Variants in THSD7B observed in about 807,000 individuals in gnomAD.
THSD7B encodes thrombospondin type-1 domain-containing protein 7B.
THSD7B carries 138 observed loss-of-function variants against 213.6 expected under a neutral mutation model. The ratio of observed to expected loss-of-function variants is 0.65; its 90% CI spans 0.56 to 0.74. The LOEUF (loss-of-function observed/expected upper bound fraction) is 0.74. Among genes scored for constraint, THSD7B ranks in the 30% least tolerant of loss-of-function variants. The probability of loss-of-function intolerance (pLI) is 0.00; values close to 1 mark genes in which losing one functional copy is unlikely to be tolerated. For synonymous variants in THSD7B, 742 were observed against 687.0 expected (o/e 1.08, Z -1.25); for missense variants, 1,931 against 1,991.5 (o/e 0.97, Z 0.58).
At chr2:137,047,827 G>T (rs13026531) in intron 2 of THSD7B, among the ~76,000 whole-genome samples, 30,810 of 152,130 alleles carry the variant, frequency 0.2, 3,328 homozygotes, top group African/African-American at 0.28. Context: ...AGGAGTACAT[G>T]GTGAGAAAGG....
At chr2:137,630,072 C>T (rs1342421087) in intron 20 of THSD7B, among the ~76,000 whole-genome samples, 2 of 152,020 alleles carry the variant, frequency 1.3e-5, no homozygotes, top group Non-Finnish European at 2.9e-5. Flanking sequence ...TGGCTCACTG[C>T]ACCCTCTGCC....
intron 4 of THSD7B, among the ~76,000 whole-genome samples, chr2:137,099,410 A>G (rs1316337745): frequency 6.6e-6 from 1 of 152,216 alleles, no homozygotes; most frequent in Non-Finnish European, 1.5e-5. Context: ...AAAGACAAAG[A>G]ACGTAGAGCT....
chr2:136,867,052 C>T (rs772901645), intron 1 of THSD7B, among the ~76,000 whole-genome samples: 3 of 152,096 alleles, frequency 2.0e-5, no homozygotes, highest in Non-Finnish European at 2.9e-5. Flanking sequence ...CATCTACTGT[C>T]ACCCAGTGGG....
At chr2:137,330,973 A>G (rs1684490522) in intron 12 of THSD7B, among the ~76,000 whole-genome samples, 1 of 152,180 alleles carries the variant, frequency 6.6e-6, no homozygotes. Flanking sequence ...TTAGTTAGAT[A>G]CAGAGTATGG....
intron 1 of THSD7B, among the ~76,000 whole-genome samples, chr2:136,797,013 A>ACACACACACAC (rs1296588245): frequency 9.8e-6 from 1 of 102,442 alleles, no homozygotes; most frequent in Non-Finnish European, 2.3e-5. Flanking sequence ...CACACACACA[A>ACACACACACAC]CCTAAAAAAA....
intron 1 of THSD7B, among the ~76,000 whole-genome samples, chr2:136,847,164 A>G (rs1683024837): frequency 6.6e-6 from 1 of 152,162 alleles, no homozygotes; most frequent in Non-Finnish European, 1.5e-5. Flanking sequence ...GAAGCCTTCT[A>G]CCCCACTTAG....
chr2:136,814,379 T>C (rs1290778347), intron 1 of THSD7B, among the ~76,000 whole-genome samples: 1 of 151,686 alleles, frequency 6.6e-6, no homozygotes, highest in Non-Finnish European at 1.5e-5. Context: ...GTAAGATTTG[T>C]TTTTTTTCTT....
intron 15 of THSD7B, among the ~76,000 whole-genome samples, chr2:137,509,976 AT>A (rs1263165491): frequency 6.6e-6 from 1 of 151,934 alleles, no homozygotes; most frequent in African/African-American, 2.4e-5. Flanking sequence ...TGGTTTTAAC[AT>A]TTTTTTCTCC....
At chr2:137,272,969 G>A (rs1416285132) in intron 11 of THSD7B, among the ~76,000 whole-genome samples, 2 of 149,688 alleles carry the variant, frequency 1.3e-5, no homozygotes, top group African/African-American at 2.5e-5. Flanking sequence ...AGATTTTTAC[G>A]GTTGTTATCT....
intron 27 of THSD7B, among the ~76,000 whole-genome samples, chr2:137,674,127 A>T (rs1361283294): frequency 6.6e-6 from 1 of 152,132 alleles, no homozygotes. Flanking sequence ...CTTTATAGAG[A>T]TATGACCACC....
intron 8 of THSD7B, among the ~76,000 whole-genome samples, chr2:137,232,202 T>C (rs973670529): frequency 6.6e-6 from 1 of 152,146 alleles, no homozygotes; most frequent in Admixed American, 6.5e-5. Context: ...ACTTTTTATA[T>C]GGATATAAAA....
At chr2:137,460,756 A>G (rs1192103806) in intron 15 of THSD7B, among the ~76,000 whole-genome samples, 1 of 151,986 alleles carries the variant, frequency 6.6e-6, no homozygotes. Context: ...TAGGTACACA[A>G]CTCTATGATT....
At chr2:136,872,747 G>A (rs1327298295) in intron 1 of THSD7B, among the ~76,000 whole-genome samples, 1 of 134,416 alleles carries the variant, frequency 7.4e-6, no homozygotes, top group African/African-American at 2.8e-5. Context: ...AAGGCAGGTG[G>A]ATCATGAGGT....
chr2:137,590,792 GTTTTTTTTTTTTT>G (rs1215185747), intron 17 of THSD7B, among the ~76,000 whole-genome samples: 1 of 88,716 alleles, frequency 1.1e-5, no homozygotes, highest in African/African-American at 4.1e-5. Flanking sequence ...CTTTGAAATA[GTTTTTTTTTTTTT>G]TTTTTTTTAG....
chr2:136,898,376 A>G (rs1354929820), intron 2 of THSD7B, among the ~76,000 whole-genome samples: 1 of 152,194 alleles, frequency 6.6e-6, no homozygotes, highest in Admixed American at 6.5e-5. Flanking sequence ...GTTTAAAAAT[A>G]TAGACTGAGT....
chr2:137,061,771 A>G (rs542756295), intron 3 of THSD7B, among the ~76,000 whole-genome samples: 168 of 151,818 alleles, frequency 1.1e-3, no homozygotes, highest in Non-Finnish European at 1.9e-3. Flanking sequence ...CTAGTATTTT[A>G]TTGAGACTTA....
At chr2:136,909,935 TGA>T (rs1487095279) in intron 2 of THSD7B, among the ~76,000 whole-genome samples, 1 of 152,160 alleles carries the variant, frequency 6.6e-6, no homozygotes, top group Non-Finnish European at 1.5e-5. Context: ...CTGAGAATCC[TGA>T]GAGTGTAATA....
chr2:137,075,681 G>A (rs1168077628), intron 3 of THSD7B, among the ~76,000 whole-genome samples: 3 of 152,108 alleles, frequency 2.0e-5, no homozygotes, highest in Non-Finnish European at 4.4e-5. Context: ...AGAGTTTCCA[G>A]TTTTTCTGCT....
rs187272232 is a variant in THSD7B, at chr2:137,133,286, G to A, written c.1369+17993G>A. 8.1e-4 allele frequency among the ~76,000 whole-genome samples: 124 copies of A among 152,286 alleles called. 1 individual carries two copies. Among genetic ancestry groups the A allele is most frequent in the East Asian group, 5.8e-3 (30 of 5,188 alleles). On this transcript the variant is annotated intron_variant, in intron 5 of 27. Coordinates refer to ENST00000409968, the MANE Select transcript of THSD7B (RefSeq NM_001316349.2). Reference sequence around the variant, plus strand: ...AAAGCAACCTGAAGGGTTTGTTTGCGTGAGGGTGGAGAGTGGGAATGTTAA... The same window carrying A: ...AAAGCAACCTGAAGGGTTTGTTTGCATGAGGGTGGAGAGTGGGAATGTTAA...
Sources: allele counts gnomAD v4.1 joint callset (sites outside exome capture counted in the v4.1 genomes callset), GRCh38; gene constraint gnomAD v4.1.1; transcripts MANE v1.5; gene names NCBI Gene and HGNC (gene_info 2026-07-23, HGNC 2026-07-21).